CCDC68: variants seen among roughly 807,000 people sequenced by gnomAD.
The protein encoded by CCDC68 is coiled-coil domain containing 68, also known as coiled-coil domain-containing protein 68.
CCDC68 carries 45 observed loss-of-function variants against 47.1 expected under a neutral mutation model. The ratio of observed to expected loss-of-function variants is 0.96; its 90% CI spans 0.75 to 1.23. The LOEUF (loss-of-function observed/expected upper bound fraction) is 1.23, where lower values mean the gene tolerates loss of function less well. CCDC68 is among the 50% of genes most tolerant of loss of function. The pLI is 0.00. For missense variants in CCDC68, 353 were observed against 373.6 expected (o/e 0.94, Z 0.45); for synonymous variants, 131 against 129.5 (o/e 1.01, Z -0.08).
At chr18:54,906,346 T>C (rs1176654017) in intron 11 of CCDC68, among the ~76,000 whole-genome samples, 1 of 152,170 alleles carries the variant, frequency 6.6e-6, no homozygotes, top group Admixed American at 6.5e-5. Flanking sequence ...GAAAAATCTT[T>C]AAACAGTAAA....
At chr18:54,947,872 T>C (rs374398762) in intron 1 of CCDC68, among the ~76,000 whole-genome samples, 158 of 152,340 alleles carry the variant, frequency 1.0e-3, no homozygotes, top group African/African-American at 3.7e-3. Flanking sequence ...TTATTGCTAA[T>C]GCACCGATAA....
intron 1 of CCDC68, among the ~76,000 whole-genome samples, chr18:54,953,037 G>A (rs755213701): frequency 2.0e-5 from 3 of 151,822 alleles, no homozygotes; most frequent in Non-Finnish European, 2.9e-5. Context: ...AATGTATTAC[G>A]GATACACCCA....
intron 10 of CCDC68, among the ~76,000 whole-genome samples, chr18:54,908,554 A>C (rs7243035): frequency 0.62 from 93,577 of 152,014 alleles, 29,372 homozygotes; most frequent in East Asian, 0.97. Flanking sequence ...ACATGACCTC[A>C]TTTAGGTTAC....
chr18:54,904,278 T>C lies in CCDC68; in HGVS notation c.*80A>G. The C allele has an allele frequency of 8.7e-7, 1 of 1,147,454 alleles. No individual in the cohort carries two copies. Among genetic ancestry groups the C allele is most frequent in the Non-Finnish European group, 1.3e-6 (1 of 770,394 alleles). 71.1% of individuals were successfully genotyped at this position (1,147,454 alleles called of 1,614,324 possible). A position where few individuals can be genotyped will look rare whatever the true frequency, so the allele number is the denominator to read the frequency against. On this transcript the variant is annotated 3_prime_UTR_variant, in exon 12 of 12. Transcript: ENST00000591504. The stretch of plus-strand genomic sequence containing the variant: ...TTTAAATAATGGCATTTTGCCATTT[T>C]AACATGAAACTTGGGCTGTGTTTCA...
chr18:54,952,597 C>A (rs1043527520), intron 1 of CCDC68, among the ~76,000 whole-genome samples: 3 of 152,260 alleles, frequency 2.0e-5, no homozygotes, highest in Non-Finnish European at 4.4e-5. Flanking sequence ...AACCCCATGC[C>A]TTGGTATTTA....
chr18:54,939,875 A>T (rs546249676), intron 4 of CCDC68, among the ~76,000 whole-genome samples: 1 of 152,058 alleles, frequency 6.6e-6, no homozygotes, highest in East Asian at 2.0e-4. Context: ...AGATTTTGCC[A>T]TGATAATCTA....
intron 10 of CCDC68, 111 bp downstream of exon 10, chr18:54,917,802 T>C: frequency 1.4e-6 from 1 of 701,850 alleles, no homozygotes; most frequent in Non-Finnish European, 2.5e-6. Context: ...CATGCTTTCA[T>C]ACACAGGCTC....
At chr18:54,946,167 T>C (rs1045929367) in intron 1 of CCDC68, among the ~76,000 whole-genome samples, 2 of 152,258 alleles carry the variant, frequency 1.3e-5, no homozygotes, top group Non-Finnish European at 2.9e-5. Flanking sequence ...GAAGTTCAAA[T>C]GTAGTGCCTA....
At chr18:54,911,345 C>A (rs1914356225) in intron 10 of CCDC68, among the ~76,000 whole-genome samples, 1 of 152,186 alleles carries the variant, frequency 6.6e-6, no homozygotes, top group Admixed American at 6.5e-5. Flanking sequence ...GCCACTGCAC[C>A]TGGCCTACAA....
chr18:54,930,761 C>T (rs1293245129), intron 7 of CCDC68, among the ~76,000 whole-genome samples: 2 of 148,854 alleles, frequency 1.3e-5, no homozygotes, highest in African/African-American at 2.5e-5. Context: ...TCTTGGTGCC[C>T]AGGCTGGAGT....
intron 1 of CCDC68, among the ~76,000 whole-genome samples, chr18:54,947,504 C>T (rs1198349328): frequency 6.6e-6 from 1 of 152,244 alleles, no homozygotes; most frequent in Non-Finnish European, 1.5e-5. Flanking sequence ...TTCTGCCACT[C>T]CATACCTGTG....
intron 7 of CCDC68, among the ~76,000 whole-genome samples, chr18:54,930,689 TCCCTCC>T: frequency 1.3e-5 from 1 of 76,354 alleles, no homozygotes; most frequent in Non-Finnish European, 2.5e-5. Flanking sequence ...CCTCCCTCCC[TCCCTCC>T]CTCTCTCTCT....
chr18:54,930,239 T>C (rs767927340), intron 7 of CCDC68, among the ~76,000 whole-genome samples: 2 of 152,214 alleles, frequency 1.3e-5, no homozygotes, highest in Non-Finnish European at 2.9e-5. Flanking sequence ...ACTGTTTCCC[T>C]CATTAATTAA....
rs755121046 is a variant in CCDC68, at chr18:54,904,361, T to C, written c.1005A>G (p.Lys335=). 2 of 1,612,436 alleles carry C rather than the reference T, an allele frequency of 1.2e-6. No homozygotes were observed. Among genetic ancestry groups the C allele is most frequent in the Admixed American group, 3.3e-5 (2 of 60,012 alleles). Residue 335 remains lysine, a synonymous_variant, in exon 12 of 12, where the codon AAA becomes AAG. Transcript: ENST00000591504. ...SPYLMLIRLR[K] ...ATCAGATCTTCATCCAGCCAGTTCA[T>C]TTCCGTAACCTAATCAACATTAAAT... is the stretch of plus-strand genomic sequence containing the variant.
chr18:54,905,029 G>A (rs977393602), intron 11 of CCDC68, among the ~76,000 whole-genome samples: 2 of 152,136 alleles, frequency 1.3e-5, no homozygotes, highest in Non-Finnish European at 2.9e-5. Context: ...GGAGGCTGAG[G>A]TGGGATGATC....
intron 10 of CCDC68, among the ~76,000 whole-genome samples, chr18:54,909,632 G>T (rs912444700): frequency 1.2e-4 from 19 of 152,236 alleles, no homozygotes; most frequent in African/African-American, 4.3e-4. Context: ...GGGTGTGTGA[G>T]CAAGTGGTGT....
At chr18:54,940,166 C>A (rs62091551) in intron 4 of CCDC68, among the ~76,000 whole-genome samples, 13,762 of 152,120 alleles carry the variant, frequency 0.09, 800 homozygotes, top group Admixed American at 0.13. Flanking sequence ...TAAATACAAT[C>A]CTCAAATGCC....
intron 7 of CCDC68, among the ~76,000 whole-genome samples, chr18:54,930,628 T>TCCCC (rs1468271408): frequency 8.7e-5 from 1 of 11,500 alleles, no homozygotes; most frequent in African/African-American, 2.7e-4. Context: ...TCCCTTCCCC[T>TCCCC]CCCTCCCTCC....
intron 9 of CCDC68, among the ~76,000 whole-genome samples, chr18:54,918,612 G>C (rs950526102): frequency 6.6e-5 from 10 of 152,284 alleles, no homozygotes; most frequent in African/African-American, 2.4e-4. Flanking sequence ...CAATTCTCTG[G>C]CCTTTTAGTG....
Sources: allele counts gnomAD v4.1 joint callset (sites outside exome capture counted in the v4.1 genomes callset), GRCh38; gene constraint gnomAD v4.1.1; transcripts MANE v1.5; gene names NCBI Gene and HGNC (gene_info 2026-07-23, HGNC 2026-07-21).